VWA3A: variants seen among roughly 807,000 people sequenced by gnomAD.
VWA3A encodes the protein von Willebrand factor A domain-containing protein 3A.
A neutral mutation model predicts 160.4 loss-of-function variants in VWA3A; 134 were observed. The observed-to-expected ratio is 0.84, with a 90% CI of 0.73 to 0.96. The LOEUF is 0.96. Among genes scored for constraint, VWA3A ranks in the 40% least tolerant of loss-of-function variants. The probability of loss-of-function intolerance (pLI) is 0.00; values close to 1 mark genes in which losing one functional copy is unlikely to be tolerated. For synonymous variants in VWA3A, 476 were observed against 543.4 expected, an observed-to-expected ratio of 0.88 and a Z score of 1.72; for missense variants, 1,310 against 1,447.9, an observed-to-expected ratio of 0.90 and a Z score of 1.55.
chr16:22,109,377 T>C (rs1294459347), intron 6 of VWA3A, 105 bp from the exon 7 acceptor site: 1 of 909,320 alleles, frequency 1.1e-6, no homozygotes, highest in African/African-American at 1.7e-5. Flanking sequence ...TGCTGCTTGT[T>C]AGGGGTGAGG....
intron 17 of VWA3A, among the ~76,000 whole-genome samples, chr16:22,130,773 T>A (rs947969272): frequency 6.6e-6 from 1 of 152,142 alleles, no homozygotes. Flanking sequence ...CCAGCTAATT[T>A]TTTTTATTTT....
intron 17 of VWA3A, among the ~76,000 whole-genome samples, chr16:22,128,202 T>C (rs1341422080): frequency 3.9e-5 from 6 of 152,204 alleles, no homozygotes; most frequent in Middle Eastern, 3.4e-3. Flanking sequence ...CTATAGGATA[T>C]AAAGGCACTG....
chr16:22,151,521 G>A (rs1374870263), intron 30 of VWA3A, among the ~76,000 whole-genome samples: 4 of 152,188 alleles, frequency 2.6e-5, no homozygotes, highest in African/African-American at 9.6e-5. Context: ...AAGCCAGAGA[G>A]AAAAATATTA....
rs1269418274 is a variant in VWA3A, at chr16:22,131,203, A to T, written c.1653-2A>T. 6 of 1,613,770 alleles carry T rather than the reference A, an allele frequency of 3.7e-6. No homozygotes were observed. Among genetic ancestry groups the T allele is most frequent in the Non-Finnish European group, 5.1e-6 (6 of 1,179,834 alleles). On this transcript the variant is annotated splice_acceptor_variant, in intron 17 of 33. Coordinates refer to ENST00000389398, the MANE Select transcript of VWA3A (RefSeq NM_173615.5). LOFTEE classifies it high-confidence loss of function. The stretch of plus-strand genomic sequence containing the variant: ...AGAACGAACTCTCTTTGCTTCTTAA[A>T]GGTTTGGAAGCACAATTGAAAGCTG...
At chr16:22,155,450 G>A (rs2046423789) in intron 31 of VWA3A, 117 bp from the exon 32 acceptor site, 3 of 870,600 alleles carry the variant, frequency 3.4e-6, no homozygotes, top group South Asian at 1.5e-5. Flanking sequence ...AGGCTCACAA[G>A]ATTTCCTGCA....
chr16:22,139,655 G>A (rs753778771), intron 22 of VWA3A, among the ~76,000 whole-genome samples: 5 of 151,972 alleles, frequency 3.3e-5, no homozygotes, highest in African/African-American at 4.8e-5. Context: ...AGATCACGCC[G>A]CTGCACTCCA....
chr16:22,132,997 C>T lies in VWA3A; in HGVS notation c.1970C>T (p.Thr657Ile), dbSNP rs1105929. The change falls in exon 20 of 34, where the codon ACA becomes ATA. Residue 657 changes from threonine (T) to isoleucine (I), a missense_variant. Physicochemically the swap from Thr to Ile is moderately conservative, Grantham distance 89. Transcript: ENST00000389398. ...GTGGGCGAGCCAAAGATGGACACCA[C>T]ACCCCCTGCCCGCTATGCCAGTCAC... ...FYVGEPKMDT[T>I]PPARYASHTD... 532,692 of 1,613,514 alleles carry T rather than the reference C, an allele frequency of 0.33. 105,489 individuals are homozygous for T. Among genetic ancestry groups the T allele is most frequent in the East Asian group, 0.75 (33,849 of 44,856 alleles).
At chr16:22,139,714 C>CA (rs932456030) in intron 22 of VWA3A, among the ~76,000 whole-genome samples, 29 of 150,338 alleles carry the variant, frequency 1.9e-4, no homozygotes, top group Middle Eastern at 3.4e-3. Flanking sequence ...AACAAACAAA[C>CA]AAAAAAAAAC....
At chr16:22,116,180 T>G (rs1321456218) in intron 9 of VWA3A, among the ~76,000 whole-genome samples, 1 of 79,110 alleles carries the variant, frequency 1.3e-5, no homozygotes, top group African/African-American at 5.2e-5. Flanking sequence ...AAACAAAGAA[T>G]GAAAGAAGGA....
At chr16:22,141,206 T>C (rs752439565) in intron 23 of VWA3A, 2 of 476,332 alleles carry the variant, frequency 4.2e-6, no homozygotes, top group South Asian at 3.1e-5. Flanking sequence ...GTCAAAGGTA[T>C]GGCAGAGTGG....
chr16:22,128,790 G>A (rs908839534), intron 17 of VWA3A, among the ~76,000 whole-genome samples: 1 of 152,164 alleles, frequency 6.6e-6, no homozygotes, highest in African/African-American at 2.4e-5. Flanking sequence ...GAACATGGAT[G>A]GAGCTGGAGG....
chr16:22,146,482 C>T (rs1286732948), intron 27 of VWA3A, 138 bp downstream of exon 27: 1 of 697,190 alleles, frequency 1.4e-6, no homozygotes, highest in South Asian at 1.9e-5. Flanking sequence ...GGAACATCAT[C>T]CACATACAAC....
intron 17 of VWA3A, among the ~76,000 whole-genome samples, chr16:22,129,709 G>C (rs1270573206): frequency 6.6e-6 from 1 of 152,068 alleles, no homozygotes; most frequent in Non-Finnish European, 1.5e-5. Flanking sequence ...TCGCACCTGT[G>C]GAGATGCGAA....
intron 19 of VWA3A, among the ~76,000 whole-genome samples, chr16:22,132,566 A>G (rs2045967140): frequency 1.3e-5 from 2 of 152,000 alleles, no homozygotes; most frequent in Non-Finnish European, 2.9e-5. Context: ...ACATACATAC[A>G]TACATACATA....
chr16:22,116,649 G>A (rs2045653247), intron 9 of VWA3A, 110 bp from the exon 10 acceptor site: 2 of 822,458 alleles, frequency 2.4e-6, no homozygotes, highest in Non-Finnish European at 4.0e-6. Flanking sequence ...TGTGACACAG[G>A]TGGCCAGTTA....
chr16:22,151,234 T>G (rs1409326108), intron 30 of VWA3A, among the ~76,000 whole-genome samples: 1 of 150,618 alleles, frequency 6.6e-6, no homozygotes, highest in African/African-American at 2.5e-5. Context: ...CAGCGGAGGT[T>G]GCACCATGGC....
At position 22,155,936 on chromosome 16, in the gene VWA3A, C is replaced by T; in HGVS notation, c.*14+20C>T. The T allele has an allele frequency of 1.2e-6, 2 of 1,611,978 alleles. No individual in the cohort carries two copies. The highest frequency in any genetic ancestry group is 1.7e-6 in the Non-Finnish European group (2 of 1,178,306). The stretch of plus-strand genomic sequence containing the variant: ...TCTCAGGTAAGGGGAGGGGCTAGAC[C>T]CCATACTACCTGAGTGTGCACTAAG... On this transcript the variant is annotated intron_variant, in intron 33 of 33. Transcript: ENST00000389398.
chr16:22,122,992 C>T (rs1045826481), intron 14 of VWA3A, 93 bp from the exon 15 acceptor site: 1 of 1,081,914 alleles, frequency 9.2e-7, no homozygotes, highest in Admixed American at 2.0e-5. Context: ...GTCCACTTCA[C>T]TCTCCTGCAC....
intron 26 of VWA3A, 68 bp downstream of exon 26, chr16:22,144,452 T>C: frequency 3.8e-6 from 6 of 1,566,120 alleles, no homozygotes; most frequent in South Asian, 1.2e-5. Flanking sequence ...CAGAGAGCAG[T>C]GTAGGGCACT....
Sources: allele counts gnomAD v4.1 joint callset (sites outside exome capture counted in the v4.1 genomes callset), GRCh38; gene constraint gnomAD v4.1.1; transcripts MANE v1.5; gene names NCBI Gene and HGNC (gene_info 2026-07-23, HGNC 2026-07-21).